OR14A16: variants seen among roughly 807,000 people sequenced by gnomAD.
OR14A16 encodes olfactory receptor family 14 subfamily A member 16.
For missense variants in OR14A16, 341 were observed against 366.5 expected, an observed-to-expected ratio of 0.93 and a Z score of 0.57; for synonymous variants, 135 against 137.6, an observed-to-expected ratio of 0.98 and a Z score of 0.13.
rs768706376 is a variant in OR14A16 at position 247,815,461 on chromosome 1, A to G, written c.269T>C (p.Ile90Thr). 6.8e-6 allele frequency: 11 copies of G among 1,614,070 alleles called. No homozygotes were observed. Among genetic ancestry groups the G allele is most frequent in the Admixed American group, 5.0e-5 (3 of 60,018 alleles). The change falls in exon 3 of 3, where the codon ATT becomes ACT. Residue 90 changes from isoleucine (I) to threonine (T), a missense_variant. Coordinates refer to ENST00000641093, the MANE Select transcript of OR14A16 (RefSeq NM_001001966.2). The stretch of plus-strand genomic sequence containing the variant: ...CTGGGAAACACAGCCAAGGAATGAA[A>G]TGGAGTTGTTGTGTATCAAAGAATT... The part of the protein sequence containing the change: ...IANSLIHNNS[I>T]SFLGCVSQVF...
chr1:247,822,356 C>T (rs1057198008), intron 1 of OR14A16, among the ~76,000 whole-genome samples: 3 of 150,428 alleles, frequency 2.0e-5, no homozygotes, highest in African/African-American at 7.3e-5. Flanking sequence ...TAACAGTAGG[C>T]AGAAGGGGGA....
At chr1:247,819,550 T>C (rs1662690891) in intron 1 of OR14A16, among the ~76,000 whole-genome samples, 1 of 152,166 alleles carries the variant, frequency 6.6e-6, no homozygotes, top group East Asian at 1.9e-4. Context: ...ACTTGAACTT[T>C]TTGTCTTATT....
At chr1:247,816,436 A>G (rs1430013697) in intron 2 of OR14A16, among the ~76,000 whole-genome samples, 6 of 152,206 alleles carry the variant, frequency 3.9e-5, no homozygotes, top group Admixed American at 3.9e-4. Flanking sequence ...ATCCTATAAT[A>G]TATGAGCTGG....
At chr1:247,823,850 T>G (rs1393574525) in intron 1 of OR14A16, 103 bp downstream of exon 1, 1 of 150,298 alleles carries the variant, frequency 6.7e-6, no homozygotes, top group Non-Finnish European at 1.5e-5. Context: ...TGAATTGAAT[T>G]TAAAGCAAAA....
At chr1:247,821,966 A>G (rs1046897631) in intron 1 of OR14A16, among the ~76,000 whole-genome samples, 1 of 152,136 alleles carries the variant, frequency 6.6e-6, no homozygotes, top group Non-Finnish European at 1.5e-5. Context: ...TTTTATACTT[A>G]TAACAGGCTA....
At chr1:247,822,323 A>C (rs113755584) in intron 1 of OR14A16, among the ~76,000 whole-genome samples, 6 of 7,668 alleles carry the variant, frequency 7.8e-4, no homozygotes, top group South Asian at 0.029. Flanking sequence ...GCGGGGGGGG[A>C]GGGTGGGGAT....
intron 1 of OR14A16, among the ~76,000 whole-genome samples, chr1:247,820,090 G>A (rs1662704261): frequency 6.6e-6 from 1 of 152,116 alleles, no homozygotes; most frequent in South Asian, 2.1e-4. Context: ...TATGATGAAT[G>A]ATCTTTTTAA....
chr1:247,817,925 A>G (rs1662658227), intron 2 of OR14A16, among the ~76,000 whole-genome samples: 1 of 152,162 alleles, frequency 6.6e-6, no homozygotes, highest in Non-Finnish European at 1.5e-5. Context: ...CCTATTGTGG[A>G]ATACTTAAAA....
At chr1:247,817,267 G>A (rs1180778812) in intron 2 of OR14A16, among the ~76,000 whole-genome samples, 2 of 152,148 alleles carry the variant, frequency 1.3e-5, no homozygotes, top group African/African-American at 4.8e-5. Context: ...CAGTGTAAAT[G>A]TTGTTTGCTG....
chr1:247,821,462 T>C (rs998577373), intron 1 of OR14A16, among the ~76,000 whole-genome samples: 2 of 152,252 alleles, frequency 1.3e-5, no homozygotes, highest in Non-Finnish European at 2.9e-5. Flanking sequence ...CATATATATT[T>C]GCAATTGTTA....
chr1:247,815,576 G>A lies in OR14A16; in HGVS notation c.154C>T (p.His52Tyr). 1.2e-6 allele frequency: 2 copies of A among 1,614,056 alleles called. No homozygotes were observed. The highest frequency in any genetic ancestry group is 1.1e-5 in the South Asian group (1 of 91,086). ...AAGAAATACACGGGGGTGTGGAGAT[G>A]ATGGTCCAAAGTTGTGATCATGATA... Reference protein sequence around the residue: ...LIIMITTLDHHLHTPVYFFLK... With the variant: ...LIIMITTLDHYLHTPVYFFLK... The change falls in exon 3 of 3, where the codon CAT (histidine) becomes TAT (tyrosine). Residue 52 changes from histidine (H) to tyrosine (Y), a missense_variant. Physicochemically the swap from His to Tyr is moderately conservative, Grantham distance 83. Transcript: ENST00000641093.
chr1:247,815,515 A>G lies in OR14A16; in HGVS notation c.215T>C (p.Ile72Thr). The G allele has an allele frequency of 6.2e-7, 1 of 1,614,068 alleles. No homozygotes were observed. The highest frequency in any genetic ancestry group is 1.1e-5 in the South Asian group (1 of 91,082). The change falls in exon 3 of 3, where the codon ATT becomes ACT. Residue 72 changes from isoleucine to threonine, a missense_variant. By Grantham distance (89) the Ile-to-Thr change is moderately conservative (BLOSUM62 -1). Coordinates refer to ENST00000641093, the MANE Select transcript of OR14A16 (RefSeq NM_001001966.2). The part of the protein sequence containing the change: ...KNLSFLDLCL[I>T]SVTAPKSIAN... ...GATAGATTTGGGAGCCGTGACTGAA[A>G]TAAGGCAGAGATCCAAGAAAGATAG...
At chr1:247,818,900 A>G (rs1271555751) in intron 2 of OR14A16, among the ~76,000 whole-genome samples, 163 bp downstream of exon 2, 2 of 152,124 alleles carry the variant, frequency 1.3e-5, no homozygotes, top group African/African-American at 4.8e-5. Context: ...GAGGTGATGA[A>G]TGCCCCAATT....
Position 247,815,489 on chromosome 1 carries a change from C to G in OR14A16, c.241G>C (p.Ala81Pro). The G allele has an allele frequency of 1.2e-6, 2 of 1,613,810 alleles. No homozygotes were observed. Among genetic ancestry groups the G allele is most frequent in the African/African-American group, 1.3e-5 (1 of 74,954 alleles). The part of the protein sequence containing the change: ...LISVTAPKSI[A>P]NSLIHNNSIS... Reference sequence around the variant, plus strand: ...GAGTTGTTGTGTATCAAAGAATTGGCGATAGATTTGGGAGCCGTGACTGAA... The same window carrying G: ...GAGTTGTTGTGTATCAAAGAATTGGGGATAGATTTGGGAGCCGTGACTGAA... The change falls in exon 3 of 3, where the codon GCC (alanine) becomes CCC (proline). Residue 81 changes from alanine to proline, a missense_variant. Ala to Pro is a conservative substitution (Grantham distance 27). Transcript: ENST00000641093.
At chr1:247,823,476 GGGTGACAGA>G (rs1291787951) in intron 1 of OR14A16, among the ~76,000 whole-genome samples, 3 of 152,126 alleles carry the variant, frequency 2.0e-5, no homozygotes, top group Non-Finnish European at 4.4e-5. Flanking sequence ...ACTCCAGCCT[GGGTGACAGA>G]GCAAGACCCT....
intron 2 of OR14A16, among the ~76,000 whole-genome samples, chr1:247,818,407 A>G (rs1662666881): frequency 6.6e-6 from 1 of 152,234 alleles, no homozygotes; most frequent in South Asian, 2.1e-4. Flanking sequence ...AATGAAAGGA[A>G]ATCAGTATAT....
At chr1:247,822,061 A>G (rs371459121) in intron 1 of OR14A16, among the ~76,000 whole-genome samples, 1 of 152,090 alleles carries the variant, frequency 6.6e-6, no homozygotes, top group African/African-American at 2.4e-5. Flanking sequence ...TTATATCACA[A>G]TTTATGTTTT....
Position 247,815,069 on chromosome 1 carries a change from A to C in OR14A16, c.661T>G (p.Ser221Ala). 6.2e-7 allele frequency: 1 copy of C among 1,614,062 alleles called. No individual in the cohort carries two copies. The highest frequency in any genetic ancestry group is 8.5e-7 in the Non-Finnish European group (1 of 1,179,916). The change falls in exon 3 of 3, where the codon TCT (serine) becomes GCT (alanine). Residue 221 changes from serine to alanine, a missense_variant. Coordinates refer to ENST00000641093, the MANE Select transcript of OR14A16 (RefSeq NM_001001966.2). The part of the protein sequence containing the change: ...VIIITYVHVF[S>A]TVKKIPSTEG... ...GTGGAAGGGATCTTCTTGACTGTAG[A>C]GAAGACGTGGACATAGGTAATGATG...
chr1:247,818,681 G>C (rs1380584999), intron 2 of OR14A16, among the ~76,000 whole-genome samples: 1 of 152,152 alleles, frequency 6.6e-6, no homozygotes, highest in Non-Finnish European at 1.5e-5. Context: ...AAGATAGAGA[G>C]TAGAATGGTG....
Sources: gnomAD v4.1 joint callset for allele counts (sites outside exome capture counted in the v4.1 genomes callset) on GRCh38, gnomAD v4.1.1 for gene constraint, MANE v1.5 for transcripts, NCBI Gene and HGNC (gene_info 2026-07-23, HGNC 2026-07-21) for gene names.